Variants in LRRC37A2 observed in about 807,000 individuals in gnomAD.
LRRC37A2 encodes leucine rich repeat containing 37 member A2.
LRRC37A2 carries 9 observed loss-of-function variants against 68.8 expected under a neutral mutation model. That is an observed-to-expected ratio of 0.13 (90% confidence interval 0.08 to 0.23). LRRC37A2 has a LOEUF of 0.23. Among genes scored for constraint, LRRC37A2 ranks in the 10% least tolerant of loss-of-function variants. LRRC37A2 has a pLI of 1.00. For missense variants in LRRC37A2, 168 were observed against 950.4 expected (o/e 0.18, Z 10.82); for synonymous variants, 63 against 367.6 (o/e 0.17, Z 9.48).
the LRRC37A2 span, among the ~76,000 whole-genome samples, chr17:46,973,809 A>G: frequency 6.9e-6 from 1 of 145,982 alleles, no homozygotes; most frequent in Non-Finnish European, 1.5e-5. Flanking sequence ...ATGTGTGTGC[A>G]TGCGTGCGAC....
chr17:46,741,237 G>A, the LRRC37A2 span, among the ~76,000 whole-genome samples: 1 of 152,184 alleles, frequency 6.6e-6, no homozygotes. Context: ...GGGTTTGGGG[G>A]AATGAGGTAA....
chr17:46,788,342 G>A, the LRRC37A2 span, among the ~76,000 whole-genome samples: 1 of 152,128 alleles, frequency 6.6e-6, no homozygotes, highest in East Asian at 1.9e-4. Context: ...TTACAGATTG[G>A]GAAATGAGAA....
the LRRC37A2 span, among the ~76,000 whole-genome samples, chr17:46,767,138 A>G: frequency 6.6e-6 from 1 of 151,658 alleles, no homozygotes; most frequent in Non-Finnish European, 1.5e-5. Context: ...GTCCAGGACC[A>G]CTCCTCATCC....
At chr17:47,027,526 C>G in the LRRC37A2 span, 1 of 1,036,106 alleles carries the variant, frequency 9.7e-7, no homozygotes, top group Non-Finnish European at 1.5e-6. Flanking sequence ...AATAACTAAT[C>G]AAGGCAATAT....
chr17:46,891,103 C>A, the LRRC37A2 span, among the ~76,000 whole-genome samples: 1 of 152,310 alleles, frequency 6.6e-6, no homozygotes, highest in Non-Finnish European at 1.5e-5. Context: ...CCCCTGGCAG[C>A]CTCAGGGCTG....
At chr17:46,545,501 T>TA (rs1198770895) in intron 8 of LRRC37A2, among the ~76,000 whole-genome samples, 1 of 121,558 alleles carries the variant, frequency 8.2e-6, no homozygotes. Context: ...TGTGGGTTGT[T>TA]ACTTTGAGTT....
the LRRC37A2 span, among the ~76,000 whole-genome samples, chr17:46,499,311 C>CAAAAA: frequency 3.3e-5 from 2 of 60,536 alleles, no homozygotes; most frequent in Admixed American, 2.0e-4. Context: ...GACTCCAGCT[C>CAAAAA]AAAAAAAAAA....
intron 2 of LRRC37A2, among the ~76,000 whole-genome samples, chr17:46,516,372 A>G (rs2051319884): frequency 1.5e-5 from 2 of 135,356 alleles, no homozygotes; most frequent in African/African-American, 2.8e-5. Context: ...ATTAAGTACT[A>G]AAAGATAATG....
the LRRC37A2 span, among the ~76,000 whole-genome samples, chr17:46,846,027 G>A: frequency 1.3e-5 from 2 of 152,214 alleles, no homozygotes; most frequent in African/African-American, 2.4e-5. Flanking sequence ...CTGATCTCAG[G>A]TGCTCCACCC....
chr17:46,980,205 A>G, the LRRC37A2 span, among the ~76,000 whole-genome samples: 1 of 151,286 alleles, frequency 6.6e-6, no homozygotes, highest in Non-Finnish European at 1.5e-5. Flanking sequence ...CGTGATGCAC[A>G]AACTACTGAG....
the LRRC37A2 span, among the ~76,000 whole-genome samples, chr17:46,869,499 C>T: frequency 2.0e-5 from 3 of 152,142 alleles, no homozygotes; most frequent in Non-Finnish European, 4.4e-5. Flanking sequence ...GCCAGAAGCA[C>T]CAAAAACGAA....
the LRRC37A2 span, among the ~76,000 whole-genome samples, chr17:46,751,015 T>C: frequency 1.3e-5 from 2 of 152,180 alleles, no homozygotes; most frequent in Non-Finnish European, 2.9e-5. Context: ...GAAAATATTA[T>C]CTACTGAGTT....
chr17:46,972,518 C>T, the LRRC37A2 span, among the ~76,000 whole-genome samples: 1 of 152,234 alleles, frequency 6.6e-6, no homozygotes, highest in Non-Finnish European at 1.5e-5. Flanking sequence ...GTTTGTCAGC[C>T]TCCCCAGCTC....
At chr17:46,923,105 C>A in the LRRC37A2 span, 9 of 937,880 alleles carry the variant, frequency 9.6e-6, no homozygotes, top group Non-Finnish European at 1.4e-5. Context: ...GAGGGTCCTG[C>A]GACCGGAAGC....
chr17:46,941,344 A>C, the LRRC37A2 span: 1 of 984,804 alleles, frequency 1.0e-6, no homozygotes. Context: ...AATAAAGTTG[A>C]GGTTTATTTT....
At chr17:46,923,176 C>G in the LRRC37A2 span, 3 of 1,519,702 alleles carry the variant, frequency 2.0e-6, no homozygotes, top group Non-Finnish European at 2.7e-6. Context: ...GGAGCCGTGG[C>G]CTGCGGGGCC....
chr17:46,823,196 AT>A, the LRRC37A2 span, among the ~76,000 whole-genome samples: 25 of 123,464 alleles, frequency 2.0e-4, 1 homozygote, highest in African/African-American at 8.2e-4. Flanking sequence ...TATTATATAT[AT>A]TTATATATAA....
the LRRC37A2 span, among the ~76,000 whole-genome samples, chr17:46,748,336 C>T: frequency 6.6e-6 from 1 of 152,130 alleles, no homozygotes; most frequent in East Asian, 1.9e-4. Flanking sequence ...GTCTCAAACT[C>T]CTGAACCTCA....
the LRRC37A2 span, among the ~76,000 whole-genome samples, chr17:46,406,179 A>ATCC: frequency 2.2e-5 from 1 of 46,486 alleles, no homozygotes; most frequent in African/African-American, 8.9e-5. Context: ...TCTTTGGAAG[A>ATCC]TATGGAAAGC....
Sources: allele counts gnomAD v4.1 joint callset (sites outside exome capture counted in the v4.1 genomes callset), GRCh38; gene constraint gnomAD v4.1.1; transcripts MANE v1.5; gene names NCBI Gene and HGNC (gene_info 2026-07-23, HGNC 2026-07-21).